PP2D1: variants seen among roughly 807,000 people sequenced by gnomAD.
PP2D1 encodes protein phosphatase 2C like domain containing 1.
Under a neutral mutation model 30.2 loss-of-function variants are expected in PP2D1, and 25 were observed. The ratio of observed to expected loss-of-function variants is 0.83; its 90% CI spans 0.60 to 1.16. The LOEUF (loss-of-function observed/expected upper bound fraction) is 1.16. Among genes scored for constraint, PP2D1 ranks in the 50% most tolerant of loss-of-function variants. The pLI, the probability that PP2D1 is intolerant of heterozygous loss-of-function variation, is 0.00. For synonymous variants in PP2D1, 260 were observed against 258.9 expected (o/e 1.00, Z -0.04); for missense variants, 760 against 742.4 (o/e 1.02, Z -0.28).
At chr3:19,989,514 G>A (rs2125138430) in intron 2 of PP2D1, among the ~76,000 whole-genome samples, 1 of 152,236 alleles carries the variant, frequency 6.6e-6, no homozygotes, top group East Asian at 1.9e-4. Flanking sequence ...TTTATAGTTT[G>A]GTTATTAATA....
intron 1 of PP2D1, among the ~76,000 whole-genome samples, chr3:20,008,876 A>G (rs1324519547): frequency 6.6e-6 from 1 of 152,208 alleles, no homozygotes; most frequent in African/African-American, 2.4e-5. Context: ...GTAAACGGTG[A>G]AAGAGTTGGT....
chr3:19,987,673 G>C (rs1240988058), intron 2 of PP2D1, among the ~76,000 whole-genome samples: 1 of 152,114 alleles, frequency 6.6e-6, no homozygotes, highest in Non-Finnish European at 1.5e-5. Flanking sequence ...TCTTTGGGAG[G>C]CTGAGGCAGG....
chr3:19,989,546 T>C (rs535343564), intron 2 of PP2D1, among the ~76,000 whole-genome samples: 13 of 152,378 alleles, frequency 8.5e-5, no homozygotes, highest in South Asian at 2.1e-4. Context: ...CTTGTCTTAC[T>C]GTTGATTATT....
intron 2 of PP2D1, among the ~76,000 whole-genome samples, chr3:19,989,199 G>A (rs531427262): frequency 1.6e-4 from 24 of 151,766 alleles, no homozygotes; most frequent in South Asian, 1.3e-3. Context: ...GGGCGTGATG[G>A]TGCACACCTG....
At chr3:19,999,585 C>T (rs35106779) in intron 2 of PP2D1, among the ~76,000 whole-genome samples, 31,493 of 148,092 alleles carry the variant, frequency 0.21, 3,695 homozygotes, top group South Asian at 0.32. Context: ...GACGGGGTTT[C>T]ACTATGTTGG....
intron 2 of PP2D1, among the ~76,000 whole-genome samples, chr3:19,994,871 G>A (rs1476920068): frequency 6.6e-6 from 1 of 152,164 alleles, no homozygotes; most frequent in Non-Finnish European, 1.5e-5. Flanking sequence ...ATGTGTGTGA[G>A]GAAACTCCAC....
At position 19,998,566 on chromosome 3, in the gene PP2D1, A is replaced by G. The variant is rs143238737; in HGVS notation, c.1090+2464T>C. On this transcript the variant is annotated intron_variant, in intron 2 of 2. Coordinates refer to ENST00000389050, the MANE Select transcript of PP2D1 (RefSeq NM_001252657.2). Reference sequence around the variant, plus strand: ...TATATCAAAATGCCACAGGTACCCCATGAATATTTATAATTATTATGTATC... The same window carrying G: ...TATATCAAAATGCCACAGGTACCCCGTGAATATTTATAATTATTATGTATC... Among the ~76,000 whole-genome samples, 12 of 152,340 alleles carry G rather than the reference A, an allele frequency of 7.9e-5. No homozygotes were observed. In the East Asian group the frequency reaches 1.3e-3, roughly 17 times the overall value.
Position 20,001,289 on chromosome 3 carries a change from A to C in PP2D1, c.831T>G (p.Cys277Trp). The C allele has an allele frequency of 6.5e-7, 1 of 1,535,918 alleles. No homozygotes were observed. The highest frequency in any genetic ancestry group is 1.4e-5 in the African/African-American group (1 of 73,136). The part of the protein sequence containing the change: ...SAINKTEAVR[C>W]EYEDTHKAFA... The stretch of plus-strand genomic sequence containing the variant: ...AGGCTTTGTGTGTGTCCTCATACTC[A>C]CACCTCACTGCTTCTGTTTTGTTTA... The change falls in exon 2 of 3, where the codon TGT becomes TGG. Residue 277 changes from cysteine (C) to tryptophan (W), a missense_variant. By Grantham distance (215) the Cys-to-Trp change is radical. This residue lies in a region of PP2D1 where 374 missense variants were observed against 388.8 expected (regional missense o/e 0.96). Transcript: ENST00000389050.
intron 1 of PP2D1, among the ~76,000 whole-genome samples, chr3:20,010,308 C>T (rs968968170): frequency 4.6e-5 from 7 of 152,046 alleles, no homozygotes; most frequent in South Asian, 2.1e-4. Context: ...GTTGGCCAGG[C>T]TGGTCTTGAA....
chr3:19,994,611 T>C (rs145402894), intron 2 of PP2D1, among the ~76,000 whole-genome samples: 1 of 152,344 alleles, frequency 6.6e-6, no homozygotes, highest in East Asian at 1.9e-4. Context: ...ATCTCTCAAA[T>C]AATTCCCCTA....
At chr3:20,002,516 C>A (rs1697268862) in intron 1 of PP2D1, among the ~76,000 whole-genome samples, 1 of 152,220 alleles carries the variant, frequency 6.6e-6, no homozygotes, top group African/African-American at 2.4e-5. Context: ...AAAATTCCTA[C>A]TGCCTAGTGA....
intron 2 of PP2D1, among the ~76,000 whole-genome samples, chr3:19,995,573 C>T (rs547947375): frequency 6.6e-6 from 1 of 152,288 alleles, no homozygotes; most frequent in East Asian, 1.9e-4. Flanking sequence ...CTTGTTACAG[C>T]AGCCTTAGGA....
chr3:19,981,374 C>T (rs1696923796), downstream of PP2D1, among the ~76,000 whole-genome samples: 1 of 152,128 alleles, frequency 6.6e-6, no homozygotes, highest in Non-Finnish European at 1.5e-5. Flanking sequence ...CTTTGGGAGG[C>T]CAAGGCGGGC....
At chr3:19,982,929 T>C (rs933604261), downstream of PP2D1, among the ~76,000 whole-genome samples, 19 of 152,194 alleles carry the variant, frequency 1.2e-4, no homozygotes, top group African/African-American at 4.1e-4. Flanking sequence ...ATTTGTATCC[T>C]GACTTGTTCT....
chr3:20,001,472 T>C lies in PP2D1; in HGVS notation c.648A>G (p.Ala216=). The change falls in exon 2 of 3, where the codon GCA becomes GCG. Residue 216 remains alanine, a synonymous_variant. Coordinates refer to ENST00000389050, the MANE Select transcript of PP2D1 (RefSeq NM_001252657.2). ...CTGGGAGTTCCATTGATGTCAACTC[T>C]GCCGCTGAGGCACCGTGATGTCCAT... ...LFDGHHGASA[A]ELTSMELPVL... The C allele has an allele frequency of 6.5e-7, 1 of 1,536,430 alleles. No individual in the cohort carries two copies. The highest frequency in any genetic ancestry group is 8.7e-7 in the Non-Finnish European group (1 of 1,146,958).
intron 2 of PP2D1, among the ~76,000 whole-genome samples, chr3:19,988,429 G>A (rs1697071555): frequency 6.6e-6 from 1 of 152,142 alleles, no homozygotes; most frequent in Non-Finnish European, 1.5e-5. Context: ...TTCCCGCCTA[G>A]TAAATTTTAG....
chr3:19,987,181 G>C (rs1028481646), intron 2 of PP2D1, among the ~76,000 whole-genome samples: 3 of 152,152 alleles, frequency 2.0e-5, no homozygotes, highest in Non-Finnish European at 2.9e-5. Flanking sequence ...AAATGAATCT[G>C]TGATGGTGTG....
chr3:19,994,937 A>G (rs1338296359), intron 2 of PP2D1, among the ~76,000 whole-genome samples: 1 of 152,256 alleles, frequency 6.6e-6, no homozygotes, highest in Non-Finnish European at 1.5e-5. Context: ...CTGAGGACTC[A>G]TAGGGCTGGA....
At chr3:20,010,931 A>T (rs904243462) in intron 1 of PP2D1, among the ~76,000 whole-genome samples, 1 of 152,170 alleles carries the variant, frequency 6.6e-6, no homozygotes, top group African/African-American at 2.4e-5. Flanking sequence ...TGAGGGAAAA[A>T]GTTTGCAGTG....
Sources: allele counts gnomAD v4.1 joint callset (sites outside exome capture counted in the v4.1 genomes callset), GRCh38; gene constraint gnomAD v4.1.1; regional missense constraint gnomAD v4.1.1; transcripts MANE v1.5; gene names NCBI Gene and HGNC (gene_info 2026-07-23, HGNC 2026-07-21).